RANBP2: variants seen among roughly 807,000 people sequenced by gnomAD.
The protein encoded by RANBP2 is E3 SUMO-protein ligase RanBP2.
RANBP2 carries 57 observed loss-of-function variants against 303.6 expected under a neutral mutation model. That is an observed-to-expected ratio of 0.19 (90% CI 0.15 to 0.23). The LOEUF (loss-of-function observed/expected upper bound fraction) is 0.23, where lower values mean the gene tolerates loss of function less well. Ranked by LOEUF, RANBP2 falls within the 10% of genes least tolerant of loss-of-function variation. RANBP2 has a pLI of 1.00. For missense variants in RANBP2, 3,138 were observed against 3,780.8 expected (o/e 0.83, Z 4.46); for synonymous variants, 1,167 against 1,301.5 (o/e 0.90, Z 2.23).
the RANBP2 span, among the ~76,000 whole-genome samples, chr2:109,334,541 A>G: frequency 6.6e-6 from 1 of 152,124 alleles, no homozygotes; most frequent in South Asian, 2.1e-4. Context: ...GGTGCCAGCC[A>G]GCAGGGGAAC....
At chr2:108,729,978 C>T (rs887184186) in intron 2 of RANBP2, among the ~76,000 whole-genome samples, 21 of 151,948 alleles carry the variant, frequency 1.4e-4, no homozygotes, top group African/African-American at 4.1e-4. Context: ...CTCGGCCTCC[C>T]GTAGTGTTGG....
the RANBP2 span, among the ~76,000 whole-genome samples, chr2:108,874,634 T>C: frequency 1.3e-5 from 2 of 152,206 alleles, no homozygotes; most frequent in African/African-American, 4.8e-5. Context: ...GCAATGCATC[T>C]TGAAATTATT....
At chr2:109,038,302 A>G in the RANBP2 span, among the ~76,000 whole-genome samples, 1 of 152,188 alleles carries the variant, frequency 6.6e-6, no homozygotes, top group African/African-American at 2.4e-5. Context: ...ACAGACTTAA[A>G]CCTAAAAGAT....
At chr2:108,746,205 G>C (rs1469670864) in intron 7 of RANBP2, among the ~76,000 whole-genome samples, 3 of 130,900 alleles carry the variant, frequency 2.3e-5, no homozygotes, top group African/African-American at 9.1e-5. Context: ...ACCATGTCTG[G>C]CCCTTTTTTT....
the RANBP2 span, chr2:109,574,659 C>CA: frequency 1.9e-6 from 3 of 1,609,108 alleles, no homozygotes; most frequent in Non-Finnish European, 2.5e-6. Context: ...AGTAGAGACA[C>CA]ACATGGATGC....
At chr2:109,241,059 A>G in the RANBP2 span, among the ~76,000 whole-genome samples, 6 of 152,250 alleles carry the variant, frequency 3.9e-5, no homozygotes, top group African/African-American at 1.4e-4. Flanking sequence ...CTAAAAATAT[A>G]TGTTTAAAAT....
intron 4 of RANBP2, among the ~76,000 whole-genome samples, chr2:108,734,671 T>C (rs890662165): frequency 7.2e-5 from 11 of 151,876 alleles, no homozygotes; most frequent in South Asian, 4.2e-4. Flanking sequence ...GGTGGAGAAG[T>C]ATATTTCTGA....
the RANBP2 span, among the ~76,000 whole-genome samples, chr2:108,863,139 T>G: frequency 6.6e-6 from 1 of 152,220 alleles, no homozygotes; most frequent in African/African-American, 2.4e-5. Context: ...TTTCTTGATT[T>G]GAACAACATA....
At chr2:109,090,331 CACACA>C in the RANBP2 span, among the ~76,000 whole-genome samples, 5 of 142,990 alleles carry the variant, frequency 3.5e-5, no homozygotes, top group Non-Finnish European at 7.8e-5. Flanking sequence ...CACACACACA[CACACA>C]CACACACACA....
chr2:109,409,847 G>A, the RANBP2 span, among the ~76,000 whole-genome samples: 3 of 152,248 alleles, frequency 2.0e-5, no homozygotes, highest in South Asian at 6.2e-4. Context: ...TACACCCCGT[G>A]TAATGGAGTG....
the RANBP2 span, chr2:109,604,802 G>A: frequency 6.6e-6 from 1 of 152,220 alleles, no homozygotes; most frequent in South Asian, 2.1e-4. Flanking sequence ...GAAAATCACA[G>A]TGAGCTCATC....
At chr2:109,428,543 C>A in the RANBP2 span, among the ~76,000 whole-genome samples, 1 of 152,230 alleles carries the variant, frequency 6.6e-6, no homozygotes, top group East Asian at 1.9e-4. Context: ...GCACACCTGC[C>A]GCGGCCACTT....
the RANBP2 span, among the ~76,000 whole-genome samples, chr2:109,497,680 A>C: frequency 1.2e-4 from 18 of 152,210 alleles, no homozygotes; most frequent in Non-Finnish European, 2.5e-4. Flanking sequence ...AGAACAGCTC[A>C]GAGTCTTGGA....
chr2:108,780,752 C>T (rs1227716598), intron 25 of RANBP2, among the ~76,000 whole-genome samples: 1 of 151,624 alleles, frequency 6.6e-6, no homozygotes, highest in East Asian at 1.9e-4. Context: ...TCTTGTTGCC[C>T]AGGCTGGAGT....
the RANBP2 span, among the ~76,000 whole-genome samples, chr2:109,320,786 C>T: frequency 1.3e-5 from 2 of 152,158 alleles, no homozygotes; most frequent in Admixed American, 6.5e-5. Flanking sequence ...ACTCGAGGCA[C>T]ATTGCTTTGC....
chr2:109,585,189 A>C, the RANBP2 span: 2 of 1,611,692 alleles, frequency 1.2e-6, no homozygotes, highest in Non-Finnish European at 1.7e-6. Context: ...TTTCAATTGA[A>C]CATTACTTTC....
At chr2:108,799,004 T>C in the RANBP2 span, among the ~76,000 whole-genome samples, 1 of 152,140 alleles carries the variant, frequency 6.6e-6, no homozygotes, top group African/African-American at 2.4e-5. Flanking sequence ...TTATAGTCCA[T>C]GTTTACTTTC....
chr2:108,978,827 G>A, the RANBP2 span, among the ~76,000 whole-genome samples: 1 of 152,170 alleles, frequency 6.6e-6, no homozygotes, highest in Non-Finnish European at 1.5e-5. Flanking sequence ...CAATGAAGTT[G>A]TTAGCACAGC....
At chr2:109,359,537 T>C in the RANBP2 span, among the ~76,000 whole-genome samples, 1 of 152,258 alleles carries the variant, frequency 6.6e-6, no homozygotes, top group Non-Finnish European at 1.5e-5. Flanking sequence ...TATTTCATGA[T>C]ACCATTTACA....
Sources: gnomAD v4.1 joint callset for allele counts (sites outside exome capture counted in the v4.1 genomes callset) on GRCh38, gnomAD v4.1.1 for gene constraint, MANE v1.5 for transcripts, NCBI Gene and HGNC (gene_info 2026-07-23, HGNC 2026-07-21) for gene names.